Variants in UBE3D observed in about 807,000 individuals in gnomAD.
UBE3D encodes the protein ubiquitin protein ligase E3D, also known as E3 ubiquitin-protein ligase E3D.
In UBE3D, 48 loss-of-function variants were observed where a neutral mutation model predicts 49.6. The ratio of observed to expected loss-of-function variants is 0.97; its 90% CI spans 0.77 to 1.23. The LOEUF (loss-of-function observed/expected upper bound fraction) is 1.23, where lower values mean the gene tolerates loss of function less well. Ranked by LOEUF, UBE3D falls within the 50% of genes most tolerant of loss-of-function variation. The probability of loss-of-function intolerance (pLI) is 0.00; values close to 1 mark genes in which losing one functional copy is unlikely to be tolerated. For missense variants in UBE3D, 452 were observed against 468.4 expected, an observed-to-expected ratio of 0.96 and a Z score of 0.32; for synonymous variants, 189 against 174.2, an observed-to-expected ratio of 1.08 and a Z score of -0.67.
chr6:82,902,657 A>C (rs1000260140), intron 9 of UBE3D, among the ~76,000 whole-genome samples: 3 of 152,136 alleles, frequency 2.0e-5, no homozygotes, highest in Admixed American at 6.6e-5. Flanking sequence ...GTGCAACAGG[A>C]GGGATTCCTG....
At chr6:82,891,942 G>A (rs1210413403), downstream of UBE3D, among the ~76,000 whole-genome samples, 2 of 152,050 alleles carry the variant, frequency 1.3e-5, no homozygotes, top group Non-Finnish European at 2.9e-5. Flanking sequence ...CAGGCAAATC[G>A]CTTGAACCCC....
intron 8 of UBE3D, among the ~76,000 whole-genome samples, chr6:82,974,735 G>T (rs1562140414): frequency 1.3e-5 from 2 of 151,054 alleles, no homozygotes; most frequent in Non-Finnish European, 2.9e-5. Context: ...TTGTAAGAAA[G>T]CTGTGAAAGG....
chr6:82,959,924 A>C (rs1229233175), intron 8 of UBE3D, among the ~76,000 whole-genome samples: 1 of 152,066 alleles, frequency 6.6e-6, no homozygotes, highest in Non-Finnish European at 1.5e-5. Context: ...GTCTTCATCT[A>C]GCCTTCATGA....
chr6:83,001,568 C>A (rs1028130326), intron 8 of UBE3D, among the ~76,000 whole-genome samples: 4 of 152,156 alleles, frequency 2.6e-5, no homozygotes, highest in Non-Finnish European at 5.9e-5. Context: ...CCTCTTACTA[C>A]ACAAAATTAA....
At chr6:82,991,167 A>G (rs147368711) in intron 8 of UBE3D, among the ~76,000 whole-genome samples, 1,739 of 152,320 alleles carry the variant, frequency 0.011, 14 homozygotes, top group Non-Finnish European at 0.019. Context: ...GGAAGAATCC[A>G]CTGTGCCTTT....
chr6:83,038,217 A>G lies in UBE3D; in HGVS notation c.667+199T>C, dbSNP rs538907742. On this transcript the variant is annotated intron_variant, in intron 5 of 9. Coordinates refer to ENST00000369747, the MANE Select transcript of UBE3D (RefSeq NM_198920.3). ...TCAACTTCTTAATACTTAAAATTCA[A>G]TACTCTGTATTTATGAAGGTCAAAA... 53 of 481,802 alleles carry G rather than the reference A, an allele frequency of 1.1e-4. 1 individual carries two copies. In the Admixed American group the frequency reaches 1.5e-3, roughly 14 times the overall value. The allele number at this position is 481,802 out of a possible 1,614,324, so 29.8% of individuals were successfully genotyped here.
At chr6:82,957,645 G>C (rs1480959316) in intron 8 of UBE3D, among the ~76,000 whole-genome samples, 195 bp from the exon 9 acceptor site, 1 of 152,138 alleles carries the variant, frequency 6.6e-6, no homozygotes, top group African/African-American at 2.4e-5. Flanking sequence ...AGATGGATCA[G>C]GCAATTTTTC....
intron 9 of UBE3D, among the ~76,000 whole-genome samples, chr6:82,904,017 ACT>A (rs1253727781): frequency 6.6e-6 from 1 of 151,984 alleles, no homozygotes; most frequent in Non-Finnish European, 1.5e-5. Context: ...CCAGAAAAAG[ACT>A]CTCAGCATTC....
At chr6:82,947,841 C>T (rs929083999) in intron 9 of UBE3D, among the ~76,000 whole-genome samples, 1 of 151,838 alleles carries the variant, frequency 6.6e-6, no homozygotes. Context: ...ACACATATAC[C>T]AAAACCTATG....
At chr6:83,018,747 A>AG in intron 8 of UBE3D, 2 of 508,454 alleles carry the variant, frequency 3.9e-6, no homozygotes, top group East Asian at 7.7e-5. Context: ...TTAGATTACA[A>AG]GAAAAAAACA....
intron 8 of UBE3D, among the ~76,000 whole-genome samples, chr6:82,970,003 T>C (rs1777230703): frequency 6.6e-6 from 1 of 150,464 alleles, no homozygotes; most frequent in Admixed American, 6.6e-5. Context: ...AATACAAAAA[T>C]AGACCCTAAT....
At position 83,065,691 on chromosome 6, in the gene UBE3D, C is replaced by T. The variant is rs1453343598; in HGVS notation, c.28G>A (p.Val10Met). The T allele has an allele frequency of 6.2e-7, 1 of 1,612,122 alleles. No homozygotes were observed. Among genetic ancestry groups the T allele is most frequent in the Admixed American group, 1.7e-5 (1 of 59,926 alleles). The change falls in exon 1 of 10, where the codon GTG (valine) becomes ATG (methionine). Residue 10 changes from valine (V) to methionine (M), a missense_variant. Transcript: ENST00000369747. ...AGCTGTCCCCGCACCTCCAGAAACACGCGCGTCTCCGCCGCAGAAGCCGCC... is the reference window on the plus strand; with the variant it reads ...AGCTGTCCCCGCACCTCCAGAAACATGCGCGTCTCCGCCGCAGAAGCCGCC... Reference protein sequence around the residue: MAASAAETRVFLEVRGQLQS... With the variant: MAASAAETRMFLEVRGQLQS...
chr6:82,964,271 T>C (rs1318113428), intron 8 of UBE3D, among the ~76,000 whole-genome samples: 1 of 152,056 alleles, frequency 6.6e-6, no homozygotes, highest in African/African-American at 2.4e-5. Flanking sequence ...CCAATCAATA[T>C]CAAGAAAAGA....
At chr6:83,027,903 T>A (rs548664862) in intron 5 of UBE3D, among the ~76,000 whole-genome samples, 1 of 152,306 alleles carries the variant, frequency 6.6e-6, no homozygotes, top group South Asian at 2.1e-4. Context: ...TAAACATACA[T>A]CAGATAGTCT....
chr6:83,063,412 T>TA (rs201669450), intron 1 of UBE3D, among the ~76,000 whole-genome samples: 2,467 of 45,370 alleles, frequency 0.054, 107 homozygotes, highest in Non-Finnish European at 0.066. Flanking sequence ...AGACGCTGTC[T>TA]AAAAAAAAAA....
At chr6:82,950,489 T>A (rs1775714135) in intron 9 of UBE3D, among the ~76,000 whole-genome samples, 1 of 152,098 alleles carries the variant, frequency 6.6e-6, no homozygotes, top group South Asian at 2.1e-4. Context: ...AATTACCAGC[T>A]GGGCACAGTG....
intron 9 of UBE3D, among the ~76,000 whole-genome samples, chr6:82,899,598 G>A (rs528788294): frequency 3.9e-5 from 6 of 152,344 alleles, no homozygotes; most frequent in Non-Finnish European, 7.3e-5. Flanking sequence ...AGATGTGTAT[G>A]TGGCAGAGGG....
In UBE3D at chr6:83,001,374, G is replaced by GAATC. The variant is rs1333041425; in HGVS notation, c.1010+17595_1010+17598dup. 4.6e-5 allele frequency among the ~76,000 whole-genome samples: 7 copies of GAATC among 152,232 alleles called. No homozygotes were observed. In the East Asian group the frequency reaches 1.4e-3, roughly 29 times the overall value. ...CACATTTAATAAGTATTTGCTGAAC[G>GAATC]AATCAATGACCTTCTCTAATACCTG... On this transcript the variant is annotated intron_variant, in intron 8 of 9. Coordinates refer to ENST00000369747, the MANE Select transcript of UBE3D (RefSeq NM_198920.3).
chr6:82,990,244 A>C (rs1426646925), intron 8 of UBE3D, among the ~76,000 whole-genome samples: 1 of 152,168 alleles, frequency 6.6e-6, no homozygotes, highest in Non-Finnish European at 1.5e-5. Context: ...GGAAAAAATT[A>C]AACTGAAAGC....
Sources: gnomAD v4.1 joint callset for allele counts (sites outside exome capture counted in the v4.1 genomes callset) on GRCh38, gnomAD v4.1.1 for gene constraint, MANE v1.5 for transcripts, NCBI Gene and HGNC (gene_info 2026-07-23, HGNC 2026-07-21) for gene names.